The following ASAP2 variants were observed in gnomAD, a reference collection of about 807,000 sequenced individuals.
ASAP2 encodes arf-GAP with SH3 domain, ANK repeat and PH domain-containing protein 2.
ASAP2 carries 45 observed loss-of-function variants against 131.4 expected under a neutral mutation model. That is an observed-to-expected ratio of 0.34 (90% CI 0.27 to 0.44). ASAP2 has a LOEUF of 0.44. Ranked by LOEUF, ASAP2 falls within the 20% of genes least tolerant of loss-of-function variation. ASAP2 has a pLI of 1.00. For synonymous variants in ASAP2, 510 were observed against 503.0 expected, an observed-to-expected ratio of 1.01 and a Z score of -0.19; for missense variants, 1,011 against 1,297.0, an observed-to-expected ratio of 0.78 and a Z score of 3.39.
rs540142941 is a variant in ASAP2 at position 9,399,614 on chromosome 2, C to T, written c.2685-409C>T. 7 of 223,266 alleles carry T rather than the reference C, an allele frequency of 3.1e-5. No individual in the cohort carries two copies. The South Asian group carries it at 5.1e-4, about 16-fold the overall frequency. The allele number at this position is 223,266 out of a possible 1,614,324, so 13.8% of individuals were successfully genotyped here. ...CGGCAGAGGCATGGACAGCGCTGAC[C>T]CAGAGTGCTCGGACCCGTCCTGGCA... On this transcript the variant is annotated intron_variant, in intron 24 of 27. Transcript: ENST00000281419.
chr2:9,379,931 G>T (rs928310083), intron 19 of ASAP2, among the ~76,000 whole-genome samples: 2 of 150,774 alleles, frequency 1.3e-5, no homozygotes, highest in African/African-American at 2.4e-5. Context: ...GGCGGAGGTT[G>T]CAGTGAGCTG....
chr2:9,257,980 G>A (rs933641953), intron 1 of ASAP2, among the ~76,000 whole-genome samples: 7 of 152,212 alleles, frequency 4.6e-5, no homozygotes, highest in African/African-American at 1.7e-4. Flanking sequence ...GGAGAGTCAT[G>A]TGCCATAATC....
intron 14 of ASAP2, among the ~76,000 whole-genome samples, chr2:9,357,500 G>A (rs892355097): frequency 2.6e-5 from 4 of 151,998 alleles, no homozygotes; most frequent in Admixed American, 1.3e-4. Context: ...CAAAAAACCC[G>A]AAAATACGTT....
chr2:9,338,592 C>T (rs1316054365), intron 9 of ASAP2, among the ~76,000 whole-genome samples: 1 of 152,176 alleles, frequency 6.6e-6, no homozygotes, highest in African/African-American at 2.4e-5. Context: ...TCCATGTCAC[C>T]CTCAGTGGAG....
intron 1 of ASAP2, among the ~76,000 whole-genome samples, chr2:9,276,371 A>G (rs1395778494): frequency 6.6e-6 from 1 of 152,116 alleles, no homozygotes; most frequent in Non-Finnish European, 1.5e-5. Flanking sequence ...CTTGGGGTAC[A>G]TGTGAAAGTG....
At chr2:9,286,320 C>T (rs1479404388) in intron 2 of ASAP2, among the ~76,000 whole-genome samples, 1 of 151,914 alleles carries the variant, frequency 6.6e-6, no homozygotes, top group African/African-American at 2.4e-5. Context: ...ATTACATGAA[C>T]CTGGGAGGTT....
chr2:9,359,189 C>T (rs1572541290), intron 15 of ASAP2, among the ~76,000 whole-genome samples: 1 of 152,188 alleles, frequency 6.6e-6, no homozygotes, highest in Non-Finnish European at 1.5e-5. Flanking sequence ...CAGCTCACCC[C>T]ATCCATTAGA....
At chr2:9,278,315 C>A (rs778848593) in intron 1 of ASAP2, among the ~76,000 whole-genome samples, 1 of 151,984 alleles carries the variant, frequency 6.6e-6, no homozygotes, top group Non-Finnish European at 1.5e-5. Flanking sequence ...GAGTTTGAGA[C>A]CATCCTGTCT....
At chr2:9,277,110 G>A (rs979126068) in intron 1 of ASAP2, among the ~76,000 whole-genome samples, 10 of 152,342 alleles carry the variant, frequency 6.6e-5, no homozygotes, top group Admixed American at 5.9e-4. Flanking sequence ...CAGATCAAAT[G>A]TGCTTTTCAA....
chr2:9,296,412 T>C (rs1668154247), intron 2 of ASAP2, among the ~76,000 whole-genome samples: 1 of 152,164 alleles, frequency 6.6e-6, no homozygotes. Context: ...ATGCATGCAT[T>C]TGGCGTCCAG....
intron 15 of ASAP2, among the ~76,000 whole-genome samples, chr2:9,367,274 C>T (rs1451042972): frequency 2.6e-5 from 4 of 151,712 alleles, no homozygotes; most frequent in African/African-American, 7.3e-5. Flanking sequence ...CTCAGCCGAT[C>T]CACCCGCCTC....
At chr2:9,371,113 C>T (rs1000588101) in intron 16 of ASAP2, among the ~76,000 whole-genome samples, 2 of 152,178 alleles carry the variant, frequency 1.3e-5, no homozygotes, top group South Asian at 2.1e-4. Flanking sequence ...TCAGTATGAA[C>T]GTTCTGTCTG....
At chr2:9,304,884 G>T (rs1440113228) in intron 3 of ASAP2, among the ~76,000 whole-genome samples, 1 of 150,892 alleles carries the variant, frequency 6.6e-6, no homozygotes, top group Admixed American at 6.6e-5. Flanking sequence ...AGATATTGGT[G>T]GACAGGCTGG....
chr2:9,272,503 T>C (rs1048550206), intron 1 of ASAP2, among the ~76,000 whole-genome samples: 5 of 152,228 alleles, frequency 3.3e-5, no homozygotes, highest in Admixed American at 2.6e-4. Flanking sequence ...TCCCATTTTG[T>C]GGGTTGTCTC....
chr2:9,235,670 G>A (rs1663501289), intron 1 of ASAP2, among the ~76,000 whole-genome samples: 1 of 152,172 alleles, frequency 6.6e-6, no homozygotes, highest in South Asian at 2.1e-4. Context: ...CCACGTCTCG[G>A]GGCCAGGAGT....
At chr2:9,213,875 T>C (rs1169070215) in intron 1 of ASAP2, among the ~76,000 whole-genome samples, 1 of 152,164 alleles carries the variant, frequency 6.6e-6, no homozygotes, top group African/African-American at 2.4e-5. Context: ...TTGATGTGAC[T>C]GGTTATAGGA....
At chr2:9,327,132 C>T (rs1424359984) in intron 6 of ASAP2, among the ~76,000 whole-genome samples, 1 of 146,302 alleles carries the variant, frequency 6.8e-6, no homozygotes. Context: ...ACCCCTACCC[C>T]ACCCCCGCCC....
Position 9,313,539 on chromosome 2 carries a change from T to C in ASAP2, c.346-4985T>C, listed in dbSNP as rs185994750. Among the ~76,000 whole-genome samples, 344 of 152,358 alleles carry C rather than the reference T, an allele frequency of 2.3e-3. 2 individuals are homozygous for C. Among genetic ancestry groups the C allele is most frequent in the Non-Finnish European group, 3.9e-3 (265 of 68,042 alleles). On this transcript the variant is annotated intron_variant, in intron 3 of 27. Transcript: ENST00000281419. ...ACAACCCACCTTATCACTGGATGGT[T>C]CTGGTGCCTTTGGCGCTGCCCCCGC...
At chr2:9,358,670 T>C (rs935164437) in intron 14 of ASAP2, 86 bp from the exon 15 acceptor site, 3 of 1,496,170 alleles carry the variant, frequency 2.0e-6, no homozygotes, top group Admixed American at 4.1e-5. Flanking sequence ...CAGAACTGCT[T>C]GTTCAGTAAC....
Sources: allele counts gnomAD v4.1 joint callset (sites outside exome capture counted in the v4.1 genomes callset), GRCh38; gene constraint gnomAD v4.1.1; transcripts MANE v1.5; gene names NCBI Gene and HGNC (gene_info 2026-07-23, HGNC 2026-07-21).